AGT: variants seen among roughly 807,000 people sequenced by gnomAD.
AGT encodes alpha-1 antiproteinase, antitrypsin.
A neutral mutation model predicts 28.1 loss-of-function variants in AGT; 26 were observed. The observed-to-expected ratio is 0.92, with a 90% CI of 0.68 to 1.28. AGT has a LOEUF of 1.28. Ranked by LOEUF, AGT falls within the 50% of genes most tolerant of loss-of-function variation. AGT has a pLI of 0.00. For synonymous variants in AGT, 259 were observed against 259.6 expected (o/e 1.00, Z 0.02); for missense variants, 596 against 592.3 (o/e 1.01, Z -0.06).
At chr1:230,730,149 G>A (rs2102802434) in intron 1 of AGT, among the ~76,000 whole-genome samples, 2 of 152,014 alleles carry the variant, frequency 1.3e-5, no homozygotes, top group South Asian at 4.2e-4. Context: ...TCAAACTCCT[G>A]ACCTCAGGTG....
At chr1:230,728,803 C>T (rs1663999710) in intron 1 of AGT, among the ~76,000 whole-genome samples, 1 of 152,208 alleles carries the variant, frequency 6.6e-6, no homozygotes, top group Non-Finnish European at 1.5e-5. Flanking sequence ...GCCTCACATC[C>T]TCTTTTACTA....
At chr1:230,727,231 C>T (rs1205345234) in intron 1 of AGT, among the ~76,000 whole-genome samples, 2 of 152,216 alleles carry the variant, frequency 1.3e-5, no homozygotes, top group African/African-American at 4.8e-5. Flanking sequence ...CCCTCAGCTT[C>T]CTGCTCCAGA....
At chr1:230,745,081 A>G (rs1664323846) in intron 1 of AGT, among the ~76,000 whole-genome samples, 1 of 152,206 alleles carries the variant, frequency 6.6e-6, no homozygotes, top group Non-Finnish European at 1.5e-5. Flanking sequence ...AATCATTTGG[A>G]CTGGCCAGAA....
chr1:230,729,833 T>C (rs1029252551), intron 1 of AGT, among the ~76,000 whole-genome samples: 7 of 152,082 alleles, frequency 4.6e-5, no homozygotes, highest in Non-Finnish European at 8.8e-5. Flanking sequence ...ATTTCTACTC[T>C]TCTCTAACCT....
chr1:230,741,017 C>A (rs1571990322), intron 1 of AGT, among the ~76,000 whole-genome samples: 1 of 152,126 alleles, frequency 6.6e-6, no homozygotes, highest in Non-Finnish European at 1.5e-5. Context: ...TGATTCAAGT[C>A]ATCCTAAGAT....
chr1:230,728,533 A>T (rs975587682), intron 1 of AGT, among the ~76,000 whole-genome samples: 1 of 152,190 alleles, frequency 6.6e-6, no homozygotes, highest in Non-Finnish European at 1.5e-5. Context: ...TAATTTGCTC[A>T]CCGTTATAAT....
At chr1:230,704,557 G>C (rs61757184) in intron 3 of AGT, among the ~76,000 whole-genome samples, 136 of 152,392 alleles carry the variant, frequency 8.9e-4, no homozygotes, top group African/African-American at 3.0e-3. Context: ...GGACATAGAA[G>C]ATTTACCGAT....
intron 1 of AGT, among the ~76,000 whole-genome samples, chr1:230,731,354 C>G (rs11122587): frequency 0.31 from 46,827 of 152,142 alleles, 8,396 homozygotes; most frequent in East Asian, 0.67. Context: ...TGTTATCACA[C>G]AGCACATAGC....
chr1:230,734,736 G>A (rs968193949), intron 1 of AGT, among the ~76,000 whole-genome samples: 1 of 151,826 alleles, frequency 6.6e-6, no homozygotes, highest in Non-Finnish European at 1.5e-5. Flanking sequence ...TTGAGATGGA[G>A]TCTCGCTCTG....
chr1:230,726,593 AC>A (rs1663947177), intron 1 of AGT, among the ~76,000 whole-genome samples: 1 of 152,188 alleles, frequency 6.6e-6, no homozygotes, highest in African/African-American at 2.4e-5. Context: ...TTAAAAAAAA[AC>A]ATAGTAAGCA....
Position 230,703,040 on chromosome 1 carries a change from A to T in AGT, c.*101T>A. The stretch of plus-strand genomic sequence containing the variant: ...AAGAAAAGGTGGGAGACTGGGGGTG[A>T]CACATCGCTGATTTGTCCGGGGTTG... On this transcript the variant is annotated 3_prime_UTR_variant, in exon 5 of 5. Transcript: ENST00000366667. 7.6e-7 allele frequency: 1 copy of T among 1,320,288 alleles called. No homozygotes were observed. Among genetic ancestry groups the T allele is most frequent in the Non-Finnish European group, 1.1e-6 (1 of 947,382 alleles). 81.8% of individuals were successfully genotyped at this position (1,320,288 alleles called of 1,614,324 possible). A position where few individuals can be genotyped will look rare whatever the true frequency, so the allele number is the denominator to read the frequency against.
At chr1:230,728,502 G>T (rs1663992688) in intron 1 of AGT, among the ~76,000 whole-genome samples, 1 of 152,138 alleles carries the variant, frequency 6.6e-6, no homozygotes, top group South Asian at 2.1e-4. Context: ...AGATGGTTAG[G>T]TCAGATCTCC....
At chr1:230,735,746 C>A (rs1424273643) in intron 1 of AGT, among the ~76,000 whole-genome samples, 6 of 152,124 alleles carry the variant, frequency 3.9e-5, no homozygotes, top group Non-Finnish European at 8.8e-5. Context: ...CATCCTCCCC[C>A]ATCAGCTCCC....
intron 1 of AGT, among the ~76,000 whole-genome samples, chr1:230,740,752 C>T (rs1664234042): frequency 6.6e-6 from 1 of 151,982 alleles, no homozygotes; most frequent in Admixed American, 6.6e-5. Context: ...AGATCAAGAC[C>T]ATCCTGGCCA....
At chr1:230,720,900 A>G (rs1663830951) in intron 1 of AGT, among the ~76,000 whole-genome samples, 1 of 151,814 alleles carries the variant, frequency 6.6e-6, no homozygotes. Context: ...CTTCTCCATC[A>G]CCCTCACCCT....
chr1:230,705,433 TAAC>T (rs748002820), intron 3 of AGT, among the ~76,000 whole-genome samples: 4 of 152,152 alleles, frequency 2.6e-5, no homozygotes, highest in African/African-American at 4.8e-5. Flanking sequence ...AAAGAGGAGC[TAAC>T]AACACCTATC....
intron 1 of AGT, among the ~76,000 whole-genome samples, chr1:230,732,996 T>C (rs1664094253): frequency 6.6e-6 from 1 of 151,230 alleles, no homozygotes; most frequent in Non-Finnish European, 1.5e-5. Flanking sequence ...TAAAAGTCAG[T>C]CCCTGCTGGT....
chr1:230,731,733 GGC>G (rs1571986559), intron 1 of AGT, among the ~76,000 whole-genome samples: 1 of 152,126 alleles, frequency 6.6e-6, no homozygotes, highest in East Asian at 1.9e-4. Flanking sequence ...CAGGCATGGT[GGC>G]ACACACCTGT....
intron 1 of AGT, among the ~76,000 whole-genome samples, chr1:230,713,115 A>G (rs1663643195): frequency 6.6e-6 from 1 of 152,008 alleles, no homozygotes; most frequent in African/African-American, 2.4e-5. Context: ...TCTCTCATCC[A>G]GCTCCCCTTT....
Sources: gnomAD v4.1 joint callset for allele counts (sites outside exome capture counted in the v4.1 genomes callset) on GRCh38, gnomAD v4.1.1 for gene constraint, MANE v1.5 for transcripts, NCBI Gene and HGNC (gene_info 2026-07-23, HGNC 2026-07-21) for gene names.